Variants in CAB39L observed in about 807,000 individuals in gnomAD.
The protein encoded by CAB39L is calcium-binding protein 39-like.
CAB39L carries 23 observed loss-of-function variants against 39.1 expected under a neutral mutation model. That is an observed-to-expected ratio of 0.59 (90% confidence interval 0.42 to 0.83). The LOEUF (loss-of-function observed/expected upper bound fraction) is 0.83, where lower values mean the gene tolerates loss of function less well. Ranked by LOEUF, CAB39L falls within the 40% of genes least tolerant of loss-of-function variation. The probability of loss-of-function intolerance (pLI) is 0.00; values close to 1 mark genes in which losing one functional copy is unlikely to be tolerated. For missense variants in CAB39L, 366 were observed against 391.9 expected, an observed-to-expected ratio of 0.93 and a Z score of 0.56; for synonymous variants, 126 against 137.2, an observed-to-expected ratio of 0.92 and a Z score of 0.57.
chr13:49,378,174 A>G lies in CAB39L; in HGVS notation c.112-1043T>C, dbSNP rs1243545682. 2.4e-5 allele frequency among the ~76,000 whole-genome samples: 2 copies of G among 82,758 alleles called. 1 individual carries two copies. Among genetic ancestry groups the G allele is most frequent in the African/African-American group, 1.5e-4 (2 of 13,736 alleles). The allele number at this position is 82,758 out of a possible 152,430, so 54.3% of individuals were successfully genotyped here. A position where few individuals can be genotyped will look rare whatever the true frequency, so the allele number is the denominator to read the frequency against. ...CCGCCCGGCAGCCGCCCCGTCTGAG[A>G]AGTGAGGAGCCTCTCCGCCCGGCAG... On this transcript the variant is annotated intron_variant, in intron 4 of 10. Transcript: ENST00000409308.
intron 3 of CAB39L, among the ~76,000 whole-genome samples, chr13:49,402,803 G>T (rs1176505409): frequency 1.3e-5 from 2 of 151,978 alleles, no homozygotes; most frequent in Admixed American, 6.6e-5. Context: ...TTATTTCTTA[G>T]CACCTATTAA....
At position 49,361,188 on chromosome 13, in the gene CAB39L, A is replaced by G. The variant is rs139274778; in HGVS notation, c.277-1356T>C. 4.4e-3 allele frequency among the ~76,000 whole-genome samples: 663 copies of G among 152,230 alleles called. 6 individuals are homozygous for G. The highest frequency in any genetic ancestry group is 0.015 in the African/African-American group (633 of 41,542). Reference sequence around the variant, plus strand: ...CTCCCTTTTGCTTAGAAAAAAGTCCAATACAAAAAGGCCAGGCGCAGTGGC... The same window carrying G: ...CTCCCTTTTGCTTAGAAAAAAGTCCGATACAAAAAGGCCAGGCGCAGTGGC... On this transcript the variant is annotated intron_variant, in intron 5 of 10. Transcript: ENST00000409308.
chr13:49,350,904 G>A lies in CAB39L; in HGVS notation c.404C>T (p.Ala135Val), dbSNP rs778355461. Residue 135 changes from alanine to valine, a missense_variant, in exon 7 of 11, where the codon GCC becomes GTC. By Grantham distance (64) the Ala-to-Val change is moderately conservative. Coordinates refer to ENST00000409308, the MANE Select transcript of CAB39L (RefSeq NM_001079670.3). Reference sequence around the variant, plus strand: ...CCCACAACGTAAGGCAATCTGTGGGGCTTCATATCTAAAGCGTAAACAAGA... The same window carrying A: ...CCCACAACGTAAGGCAATCTGTGGGACTTCATATCTAAAGCGTAAACAAGA... ...ILFMLLKGYE[A>V]PQIALRCGIM... 18 of 1,583,150 alleles carry A rather than the reference G, an allele frequency of 1.1e-5. No individual in the cohort carries two copies. In the South Asian group the frequency reaches 1.9e-4, roughly 17 times the overall value.
chr13:49,348,986 C>A lies in CAB39L; in HGVS notation c.564+1758G>T, dbSNP rs541736917. On this transcript the variant is annotated intron_variant, in intron 7 of 10. Coordinates refer to ENST00000409308, the MANE Select transcript of CAB39L (RefSeq NM_001079670.3). ...CCTTCTGCCCCACTGACATCTCCTACCCTTTACCACTCTCTGACACTCTCT... is the reference window on the plus strand; with the variant it reads ...CCTTCTGCCCCACTGACATCTCCTAACCTTTACCACTCTCTGACACTCTCT... Among the ~76,000 whole-genome samples, 110 of 152,316 alleles carry A rather than the reference C, an allele frequency of 7.2e-4. 1 individual carries two copies. Among genetic ancestry groups the A allele is most frequent in the Non-Finnish European group, 7.2e-4 (49 of 68,020 alleles).
chr13:49,403,932 A>G (rs1956824044), intron 3 of CAB39L, among the ~76,000 whole-genome samples: 1 of 152,212 alleles, frequency 6.6e-6, no homozygotes, highest in African/African-American at 2.4e-5. Flanking sequence ...TTAAAAAAAT[A>G]AAAATGAACA....
intron 6 of CAB39L, chr13:49,351,146 A>T: frequency 1.4e-5 from 4 of 293,480 alleles, no homozygotes; most frequent in Admixed American, 5.1e-5. Context: ...ACATGGTGAC[A>T]GCTGGGGGTG....
intron 5 of CAB39L, among the ~76,000 whole-genome samples, chr13:49,366,626 TAAAA>T (rs770961088): frequency 1.6e-5 from 1 of 62,314 alleles, no homozygotes; most frequent in African/African-American, 7.0e-5. Flanking sequence ...AAACTCTGTC[TAAAA>T]AAAAAAAAAA....
intron 5 of CAB39L, among the ~76,000 whole-genome samples, chr13:49,369,890 T>C (rs985323273): frequency 7.3e-6 from 1 of 136,846 alleles, no homozygotes; most frequent in Non-Finnish European, 1.6e-5. Context: ...CCAGCCGGCA[T>C]AGGAGAATTT....
At chr13:49,383,444 C>T (rs1956289826) in intron 3 of CAB39L, among the ~76,000 whole-genome samples, 1 of 152,118 alleles carries the variant, frequency 6.6e-6, no homozygotes, top group Non-Finnish European at 1.5e-5. Flanking sequence ...GTCAATTATA[C>T]CTTTTTCCAT....
chr13:49,322,006 T>C (rs1463991411), intron 10 of CAB39L, among the ~76,000 whole-genome samples: 3 of 152,340 alleles, frequency 2.0e-5, no homozygotes, highest in South Asian at 2.1e-4. Context: ...ATTCAGACTA[T>C]ATAGTTGACT....
intron 3 of CAB39L, among the ~76,000 whole-genome samples, chr13:49,409,118 C>T (rs1956939395): frequency 6.6e-6 from 1 of 152,048 alleles, no homozygotes; most frequent in South Asian, 2.1e-4. Context: ...TGGTAGTCAG[C>T]GAGACAAAAG....
chr13:49,432,663 T>C (rs977974281), intron 3 of CAB39L, among the ~76,000 whole-genome samples: 1 of 152,212 alleles, frequency 6.6e-6, no homozygotes, highest in African/African-American at 2.4e-5. Context: ...AGGATTTTTT[T>C]ATTGTTCTTA....
At chr13:49,311,656 G>A (rs1953991993) in intron 10 of CAB39L, among the ~76,000 whole-genome samples, 1 of 152,054 alleles carries the variant, frequency 6.6e-6, no homozygotes, top group Non-Finnish European at 1.5e-5. Flanking sequence ...CGAGGCTAAT[G>A]TGAGTGTTTA....
intron 9 of CAB39L, among the ~76,000 whole-genome samples, chr13:49,339,122 T>A (rs1954929323): frequency 6.8e-6 from 1 of 147,676 alleles, no homozygotes; most frequent in Non-Finnish European, 1.5e-5. Context: ...GCATTTTACA[T>A]GTCTTTTTTT....
At chr13:49,347,104 A>G (rs1013050990) in intron 7 of CAB39L, among the ~76,000 whole-genome samples, 1 of 152,212 alleles carries the variant, frequency 6.6e-6, no homozygotes, top group African/African-American at 2.4e-5. Context: ...CTTTAAAAAA[A>G]AAAGTGATTT....
intron 3 of CAB39L, among the ~76,000 whole-genome samples, chr13:49,383,277 T>G (rs956294806): frequency 5.9e-5 from 9 of 152,004 alleles, no homozygotes; most frequent in African/African-American, 2.2e-4. Context: ...AATAAATATA[T>G]TCTATAATGT....
intron 5 of CAB39L, among the ~76,000 whole-genome samples, chr13:49,366,410 CGAGGTCAG>C (rs1335162264): frequency 1.3e-5 from 2 of 151,010 alleles, no homozygotes; most frequent in African/African-American, 4.9e-5. Context: ...CATGCTCTCA[CGAGGTCAG>C]GAGTTTGAGA....
chr13:49,420,910 A>G (rs994128241), intron 3 of CAB39L, among the ~76,000 whole-genome samples: 2 of 152,228 alleles, frequency 1.3e-5, no homozygotes, highest in Non-Finnish European at 1.5e-5. Context: ...AAATAAATTT[A>G]GCAAGCGAAG....
At position 49,434,172 on chromosome 13, in the gene CAB39L, C is replaced by G. The variant is rs1166448280; in HGVS notation, c.-194G>C. 4.4e-6 allele frequency: 2 copies of G among 456,360 alleles called. No homozygotes were observed. Among genetic ancestry groups the G allele is most frequent in the African/African-American group, 4.0e-5 (2 of 50,026 alleles). 28.3% of individuals were successfully genotyped at this position (456,360 alleles called of 1,614,324 possible). A position where few individuals can be genotyped will look rare whatever the true frequency, so the allele number is the denominator to read the frequency against. On this transcript the variant is annotated 5_prime_UTR_variant, in exon 2 of 11. Transcript: ENST00000409308. ...CGCATCTTTACGTTCTGAACAGCAA[C>G]TTAGAACACTTTGCTCCTGATATTC...
Sources: gnomAD v4.1 joint callset for allele counts (sites outside exome capture counted in the v4.1 genomes callset) on GRCh38, gnomAD v4.1.1 for gene constraint, MANE v1.5 for transcripts, NCBI Gene and HGNC (gene_info 2026-07-23, HGNC 2026-07-21) for gene names.